BTRC: variants seen among roughly 807,000 people sequenced by gnomAD.
The protein encoded by BTRC is beta-transducin repeat containing E3 ubiquitin protein ligase, also known as F-box/WD repeat-containing protein 1A.
BTRC carries 42 observed loss-of-function variants against 85.5 expected under a neutral mutation model. The observed-to-expected ratio is 0.49, with a 90% confidence interval of 0.38 to 0.64. BTRC has a LOEUF of 0.64. BTRC is among the 30% of genes least tolerant of loss of function. BTRC has a pLI of 0.00. For missense variants in BTRC, 594 were observed against 743.5 expected (o/e 0.80, Z 2.34); for synonymous variants, 255 against 263.3 (o/e 0.97, Z 0.30).
At chr10:101,392,131 C>T (rs1943250590) in intron 1 of BTRC, among the ~76,000 whole-genome samples, 1 of 152,194 alleles carries the variant, frequency 6.6e-6, no homozygotes, top group Non-Finnish European at 1.5e-5. Context: ...TGGCGTGCGC[C>T]ACCACGCCCA....
intron 9 of BTRC, 66 bp from the exon 10 acceptor site, chr10:101,534,595 T>A: frequency 6.3e-7 from 1 of 1,594,400 alleles, no homozygotes; most frequent in Non-Finnish European, 8.6e-7. Context: ...GAAGGGCGCA[T>A]GATGGTCAAA....
rs554560639 is a variant in BTRC at position 101,452,211 on chromosome 10, A to T, written c.157-9770A>T. ...AGAAGACCAGTGCACTATGACAATTAATCAGTTTCTGCATACTAGCATAAA... is the reference window on the plus strand; with the variant it reads ...AGAAGACCAGTGCACTATGACAATTTATCAGTTTCTGCATACTAGCATAAA... On this transcript the variant is annotated intron_variant, in intron 2 of 14. Transcript: ENST00000370187. Among the ~76,000 whole-genome samples, 23 of 152,296 alleles carry T rather than the reference A, an allele frequency of 1.5e-4. No individual in the cohort carries two copies. In the South Asian group the frequency reaches 2.1e-3, roughly 14 times the overall value.
intron 3 of BTRC, among the ~76,000 whole-genome samples, chr10:101,475,922 C>CATATATAT (rs71016324): frequency 0.092 from 6,169 of 67,126 alleles, 697 homozygotes; most frequent in Middle Eastern, 0.14. Context: ...AGTATTTTGC[C>CATATATAT]ATATATATAT....
chr10:101,526,877 A>G (rs954023187), intron 6 of BTRC, among the ~76,000 whole-genome samples: 2 of 152,218 alleles, frequency 1.3e-5, no homozygotes, highest in African/African-American at 4.8e-5. Flanking sequence ...CTGTTTTTCA[A>G]GATTTTCTGA....
At chr10:101,550,643 G>T (rs2062634708) in intron 13 of BTRC, 56 bp from the exon 14 acceptor site, 1 of 1,547,636 alleles carries the variant, frequency 6.5e-7, no homozygotes, top group Non-Finnish European at 8.9e-7. Context: ...CTGAATTTGT[G>T]TCCTATTGAT....
At chr10:101,354,556 CTG>C (rs1269914441) in intron 1 of BTRC, 1 of 372,864 alleles carries the variant, frequency 2.7e-6, no homozygotes, top group African/African-American at 2.2e-5. Context: ...AGGAAGCTCT[CTG>C]GAGAAACGCC....
intron 2 of BTRC, among the ~76,000 whole-genome samples, chr10:101,447,499 A>G (rs533210939): frequency 2.2e-4 from 34 of 152,296 alleles, no homozygotes; most frequent in Admixed American, 8.5e-4. Context: ...TAATACCACA[A>G]TTAGCTATTA....
intron 2 of BTRC, among the ~76,000 whole-genome samples, chr10:101,461,382 T>C (rs1431341842): frequency 6.6e-6 from 1 of 152,054 alleles, no homozygotes; most frequent in Non-Finnish European, 1.5e-5. Flanking sequence ...GTTGTTTTTT[T>C]CCCCCTCCTA....
chr10:101,414,581 T>C, intron 1 of BTRC: 1 of 509,148 alleles, frequency 2.0e-6, no homozygotes, highest in Non-Finnish European at 3.9e-6. Context: ...AGGCAGGTCC[T>C]TCAGGAGGTA....
chr10:101,491,570 G>A (rs538446219), intron 4 of BTRC, among the ~76,000 whole-genome samples: 204 of 152,006 alleles, frequency 1.3e-3, no homozygotes, highest in Non-Finnish European at 2.6e-3. Context: ...GGTGGCAGGC[G>A]CCTATAAGCC....
At chr10:101,437,000 T>C (rs1037860125) in intron 2 of BTRC, among the ~76,000 whole-genome samples, 3 of 152,212 alleles carry the variant, frequency 2.0e-5, no homozygotes, top group African/African-American at 7.2e-5. Flanking sequence ...ATTCAAATTC[T>C]ATTACAAAAC....
intron 2 of BTRC, among the ~76,000 whole-genome samples, chr10:101,446,903 A>G (rs1944840571): frequency 6.6e-6 from 1 of 150,688 alleles, no homozygotes; most frequent in Non-Finnish European, 1.5e-5. Context: ...AGTCATTTGT[A>G]TTCCAGAGAG....
At chr10:101,531,808 A>G (rs189302198) in intron 7 of BTRC, among the ~76,000 whole-genome samples, 1 of 152,376 alleles carries the variant, frequency 6.6e-6, no homozygotes, top group Admixed American at 6.5e-5. Flanking sequence ...TAAAGCTTTA[A>G]AAAATGGTTT....
intron 7 of BTRC, among the ~76,000 whole-genome samples, chr10:101,532,010 G>A (rs912074095): frequency 9.2e-5 from 14 of 152,164 alleles, no homozygotes; most frequent in African/African-American, 2.9e-4. Context: ...CACGTAGTTC[G>A]TAGCTTTTCT....
intron 1 of BTRC, among the ~76,000 whole-genome samples, chr10:101,384,404 C>T (rs1354690076): frequency 6.6e-6 from 1 of 152,216 alleles, no homozygotes; most frequent in Non-Finnish European, 1.5e-5. Flanking sequence ...AGTGCCAGTA[C>T]GTGCAGGTAG....
intron 13 of BTRC, 28 bp from the exon 14 acceptor site, chr10:101,550,671 C>A: frequency 1.2e-6 from 2 of 1,603,204 alleles, no homozygotes; most frequent in South Asian, 1.1e-5. Flanking sequence ...AGTTCAAGTT[C>A]CTACCCTTTT....
Position 101,534,718 on chromosome 10 carries a change from A to G in BTRC, c.1155A>G (p.Ala385=). The part of the protein sequence containing the change: ...MLNTLIHHCE[A]VLHLRFNNGM... The stretch of plus-strand genomic sequence containing the variant: ...ACACGTTGATTCACCATTGTGAAGC[A>G]GTTCTGCACTTGCGTTTCAATAATG... The change falls in exon 10 of 15, where the codon GCA becomes GCG. Residue 385 remains alanine (A), a synonymous_variant. Coordinates refer to ENST00000370187, the MANE Select transcript of BTRC (RefSeq NM_033637.4). 2.5e-6 allele frequency: 4 copies of G among 1,614,218 alleles called. No individual in the cohort carries two copies. The highest frequency in any genetic ancestry group is 3.4e-6 in the Non-Finnish European group (4 of 1,180,036).
At chr10:101,443,412 T>C (rs1338713428) in intron 2 of BTRC, among the ~76,000 whole-genome samples, 7 of 152,208 alleles carry the variant, frequency 4.6e-5, no homozygotes, top group Admixed American at 4.6e-4. Context: ...AGTTTAACTC[T>C]AGGCATTCTA....
At chr10:101,380,789 A>G (rs1246039296) in intron 1 of BTRC, among the ~76,000 whole-genome samples, 1 of 152,214 alleles carries the variant, frequency 6.6e-6, no homozygotes, top group Admixed American at 6.5e-5. Flanking sequence ...ATTGCTTAAC[A>G]ATATGTGATA....
Sources: allele counts gnomAD v4.1 joint callset (sites outside exome capture counted in the v4.1 genomes callset), GRCh38; gene constraint gnomAD v4.1.1; transcripts MANE v1.5; gene names NCBI Gene and HGNC (gene_info 2026-07-23, HGNC 2026-07-21).